ARHGAP40: variants seen among roughly 807,000 people sequenced by gnomAD.
ARHGAP40 encodes Rho GTPase activating protein 40, also known as rho GTPase-activating protein 40.
ARHGAP40 carries 43 observed loss-of-function variants against 73.5 expected under a neutral mutation model. That is an observed-to-expected ratio of 0.58 (90% confidence interval 0.46 to 0.75). ARHGAP40 has a LOEUF of 0.75. Among genes scored for constraint, ARHGAP40 ranks in the 30% least tolerant of loss-of-function variants. ARHGAP40 has a pLI of 0.00. For missense variants in ARHGAP40, 734 were observed against 861.8 expected, an observed-to-expected ratio of 0.85 and a Z score of 1.86; for synonymous variants, 300 against 352.8, an observed-to-expected ratio of 0.85 and a Z score of 1.68.
chr20:38,649,978 T>A, exon 15 of ARHGAP40: 1 of 597,754 alleles, frequency 1.7e-6, no homozygotes, highest in Non-Finnish European at 2.7e-6. Context: ...CTTCCTTTTC[T>A]GAAATGCCTC....
At position 38,627,458 on chromosome 20, in the gene ARHGAP40, TGTGTGTGTTTTGGG is replaced by T. The variant is rs1223869044; in HGVS notation, c.558+252_558+265del. On this transcript the variant is annotated intron_variant, in intron 3 of 14. Coordinates refer to ENST00000373345, the Ensembl canonical transcript of ARHGAP40. ...TCTGTGTTGGGGGTGTGTGTGTTGG[TGTGTGTGTTTTGGG>T]GTGTGTGTATGTTGGTGTGTGCATG... 4.2e-5 allele frequency among the ~76,000 whole-genome samples: 6 copies of T among 143,124 alleles called. No homozygotes were observed. In the Admixed American group the frequency reaches 4.2e-4, roughly 10 times the overall value. 93.9% of individuals were successfully genotyped at this position (143,124 alleles called of 152,430 possible). A position where few individuals can be genotyped will look rare whatever the true frequency, so the allele number is the denominator to read the frequency against.
In ARHGAP40 at chr20:38,621,363, A is replaced by G. The variant is rs745860041; in HGVS notation, c.138-1996A>G. ...ATGGTATTATTTGTGATATTGATGAATAGAAACAACCCAAATCTCCATCAA... is the reference window on the plus strand; with the variant it reads ...ATGGTATTATTTGTGATATTGATGAGTAGAAACAACCCAAATCTCCATCAA... On this transcript the variant is annotated intron_variant, in intron 1 of 14. Transcript: ENST00000373345. Among the ~76,000 whole-genome samples the G allele has an allele frequency of 2.7e-4, 41 of 152,244 alleles. 1 individual carries two copies. The highest frequency in any genetic ancestry group is 2.0e-3 in the Admixed American group (30 of 15,284).
At chr20:38,616,980 C>T (rs2088844175) in intron 1 of ARHGAP40, among the ~76,000 whole-genome samples, 1 of 151,644 alleles carries the variant, frequency 6.6e-6, no homozygotes, top group Non-Finnish European at 1.5e-5. Flanking sequence ...GAGTCTCACG[C>T]TGTTGCCCAG....
At chr20:38,615,122 C>T in intron 1 of ARHGAP40, 1 of 978,922 alleles carries the variant, frequency 1.0e-6, no homozygotes, top group Non-Finnish European at 1.7e-6. Flanking sequence ...TATCCTTGAC[C>T]AGGGTCCGGA....
chr20:38,612,928 A>C (rs531853354), intron 1 of ARHGAP40, among the ~76,000 whole-genome samples: 7 of 152,298 alleles, frequency 4.6e-5, no homozygotes, highest in South Asian at 2.1e-4. Flanking sequence ...TACACAACTT[A>C]AGGACTTTCG....
intron 1 of ARHGAP40, among the ~76,000 whole-genome samples, chr20:38,603,401 TTATCTGTCTATC>T (rs979249426): frequency 2.2e-5 from 3 of 138,360 alleles, no homozygotes; most frequent in South Asian, 2.4e-4. Context: ...ACAAGTTTGT[TTATCTGTCTATC>T]TATCTATCTA....
At chr20:38,620,153 G>A (rs2088866629) in intron 1 of ARHGAP40, among the ~76,000 whole-genome samples, 1 of 152,256 alleles carries the variant, frequency 6.6e-6, no homozygotes, top group South Asian at 2.1e-4. Context: ...AATTACAACT[G>A]GAGGCCACGC....
At chr20:38,645,022 C>G (rs530229681) in intron 11 of ARHGAP40, among the ~76,000 whole-genome samples, 1 of 152,286 alleles carries the variant, frequency 6.6e-6, no homozygotes, top group East Asian at 1.9e-4. Flanking sequence ...ACTTTTCTTC[C>G]TACCCTGCCT....
At chr20:38,648,429 T>G (rs1692699699) in intron 13 of ARHGAP40, among the ~76,000 whole-genome samples, 2 of 152,190 alleles carry the variant, frequency 1.3e-5, no homozygotes, top group Admixed American at 1.3e-4. Flanking sequence ...CCTCACCACG[T>G]GCCCTCCAGC....
intron 1 of ARHGAP40, among the ~76,000 whole-genome samples, chr20:38,611,716 C>A (rs572032997): frequency 1.3e-5 from 2 of 151,994 alleles, no homozygotes; most frequent in Non-Finnish European, 2.9e-5. Context: ...GGACTACAGG[C>A]GCCCGCCACC....
intron 9 of ARHGAP40, among the ~76,000 whole-genome samples, chr20:38,640,497 C>CCATCCCAA (rs2089011885): frequency 6.6e-6 from 1 of 152,214 alleles, no homozygotes; most frequent in Non-Finnish European, 1.5e-5. Flanking sequence ...GATGAGGTTA[C>CCATCCCAA]AGGCATGAAC....
intron 5 of ARHGAP40, among the ~76,000 whole-genome samples, chr20:38,631,394 C>T (rs11697038): frequency 1.4e-4 from 21 of 151,520 alleles, no homozygotes; most frequent in South Asian, 8.3e-4. Context: ...AATGGACTTA[C>T]AGTTCCACAT....
chr20:38,634,851 C>T (rs2088964002), intron 6 of ARHGAP40, 66 bp downstream of exon 6: 2 of 1,184,688 alleles, frequency 1.7e-6, no homozygotes, highest in African/African-American at 3.3e-5. Flanking sequence ...AACACGGACT[C>T]TCCCAGCAAG....
intron 1 of ARHGAP40, among the ~76,000 whole-genome samples, chr20:38,611,166 G>A (rs76499585): frequency 0.011 from 1,629 of 152,090 alleles, 26 homozygotes; most frequent in African/African-American, 0.036. Context: ...GAGGCAAGGC[G>A]TGAGCCACCA....
chr20:38,627,635 G>GTGTGTGTGGGGGTGTGT (rs1491358969), intron 3 of ARHGAP40, among the ~76,000 whole-genome samples: 138 of 140,848 alleles, frequency 9.8e-4, no homozygotes, highest in African/African-American at 3.6e-3. Flanking sequence ...GTGTGTTGGG[G>GTGTGTGTGGGGGTGTGT]TGTGTGTGGG....
chr20:38,635,895 C>A (rs73296982), intron 6 of ARHGAP40, among the ~76,000 whole-genome samples: 1 of 152,248 alleles, frequency 6.6e-6, no homozygotes, highest in African/African-American at 2.4e-5. Context: ...GTAAACTGGG[C>A]GTAGCTTGGC....
At chr20:38,621,223 A>G (rs1027113018) in intron 1 of ARHGAP40, among the ~76,000 whole-genome samples, 1 of 152,168 alleles carries the variant, frequency 6.6e-6, no homozygotes, top group African/African-American at 2.4e-5. Flanking sequence ...ACAAACAAAC[A>G]TCCAATAAAA....
intron 1 of ARHGAP40, among the ~76,000 whole-genome samples, chr20:38,614,435 C>G (rs762297587): frequency 2.0e-5 from 3 of 152,038 alleles, no homozygotes; most frequent in Admixed American, 6.6e-5. Context: ...GCATCATTAG[C>G]TGCACCATCT....
At chr20:38,609,326 C>T (rs2088791517) in intron 1 of ARHGAP40, among the ~76,000 whole-genome samples, 1 of 152,198 alleles carries the variant, frequency 6.6e-6, no homozygotes, top group Admixed American at 6.5e-5. Context: ...ACCCCACCCC[C>T]AGAGTTTCTA....
Sources: gnomAD v4.1 joint callset for allele counts (sites outside exome capture counted in the v4.1 genomes callset) on GRCh38, gnomAD v4.1.1 for gene constraint, MANE v1.5 for transcripts, NCBI Gene and HGNC (gene_info 2026-07-23, HGNC 2026-07-21) for gene names.